DAB1: variants seen among roughly 807,000 people sequenced by gnomAD.
DAB1 encodes the protein DAB adaptor protein 1, also known as disabled homolog 1.
DAB1 carries 15 observed loss-of-function variants against 64.6 expected under a neutral mutation model. The ratio of observed to expected loss-of-function variants is 0.23; its 90% CI spans 0.16 to 0.36. DAB1 has a LOEUF of 0.36. Ranked by LOEUF, DAB1 falls within the 10% of genes least tolerant of loss-of-function variation. DAB1 has a pLI of 1.00. For missense variants in DAB1, 596 were observed against 706.7 expected, an observed-to-expected ratio of 0.84 and a Z score of 1.78; for synonymous variants, 235 against 251.9, an observed-to-expected ratio of 0.93 and a Z score of 0.64.
At chr1:58,474,100 T>C (rs1645394748) in intron 3 of DAB1, 3 of 418,652 alleles carry the variant, frequency 7.2e-6, no homozygotes, top group Middle Eastern at 3.6e-4. Flanking sequence ...CAAGCATTCC[T>C]GTGGAGTGTG....
rs1318317807 is a variant in DAB1 at position 56,995,662 on chromosome 1, A to G, written c.*2482T>C. ...GTCAGAAGCAACCCAAAGAATTGGT[A>G]TAATGGTGTGATACTGCAAGACAAA... is the stretch of plus-strand genomic sequence containing the variant. On this transcript the variant is annotated 3_prime_UTR_variant, in exon 15 of 15. Transcript: ENST00000371236. 6.6e-6 allele frequency: 1 copy of G among 152,254 alleles called. No homozygotes were observed. The allele number at this position is 152,254 out of a possible 1,614,324, so 9.4% of individuals were successfully genotyped here. A position where few individuals can be genotyped will look rare whatever the true frequency, so the allele number is the denominator to read the frequency against.
rs115277348 is a variant in DAB1 at position 58,469,982 on chromosome 1, C to T, written n.257+36078G>A. On this transcript the variant is annotated intron_variant and non_coding_transcript_variant, in intron 3 of 20. Transcript: ENST00000485760. ...AGGCATATAGTAGGCCTTCAATAAA[C>T]GTTTGTAGAAGTGTACAATCATCTC... is the stretch of plus-strand genomic sequence containing the variant. 7.2e-5 allele frequency among the ~76,000 whole-genome samples: 11 copies of T among 151,984 alleles called. No individual in the cohort carries two copies. In the East Asian group the frequency reaches 7.7e-4, roughly 11 times the overall value.
chr1:57,847,413 G>A (rs1653338497), intron 1 of DAB1, among the ~76,000 whole-genome samples: 1 of 151,714 alleles, frequency 6.6e-6, no homozygotes, highest in Non-Finnish European at 1.5e-5. Context: ...TATCAGTTAT[G>A]ACAGTAAATA....
rs531654799 is a variant in DAB1, at chr1:57,302,597, A to AT, written c.-136-11432dup. Among the ~76,000 whole-genome samples, 1,092 of 148,194 alleles carry AT rather than the reference A, an allele frequency of 7.4e-3. 5 individuals carry two copies. The highest frequency in any genetic ancestry group is 0.011 in the Non-Finnish European group (704 of 66,738). ...TTTGAGGTGCAACATGGGCACTGGG[A>AT]TTTTTTTTTTTATTTTATGTTTTAG... On this transcript the variant is annotated intron_variant, in intron 1 of 14. Coordinates refer to ENST00000371236, the MANE Select transcript of DAB1 (RefSeq NM_001365792.1).
At chr1:57,742,546 C>T (rs1648052431) in intron 6 of DAB1, among the ~76,000 whole-genome samples, 2 of 151,856 alleles carry the variant, frequency 1.3e-5, no homozygotes, top group African/African-American at 4.8e-5. Flanking sequence ...AGGAGTGCCC[C>T]AAGCTAGGAA....
chr1:57,554,881 G>A (rs1267428649), intron 7 of DAB1, among the ~76,000 whole-genome samples: 1 of 152,166 alleles, frequency 6.6e-6, no homozygotes, highest in Non-Finnish European at 1.5e-5. Context: ...AGTCACTGAT[G>A]AGGTTATTCA....
At chr1:57,728,290 T>A (rs1279914678) in intron 6 of DAB1, among the ~76,000 whole-genome samples, 1 of 152,026 alleles carries the variant, frequency 6.6e-6, no homozygotes, top group Non-Finnish European at 1.5e-5. Flanking sequence ...GGACATGAAG[T>A]ATAGTTAAAA....
At chr1:57,543,760 C>T (rs1644827709) in intron 7 of DAB1, among the ~76,000 whole-genome samples, 1 of 135,648 alleles carries the variant, frequency 7.4e-6, no homozygotes, top group African/African-American at 2.7e-5. Context: ...AATAGTACTA[C>T]AAAACTACTA....
Position 57,918,108 on chromosome 1 carries a change from T to TAA in DAB1, n.388-33948_388-33947dup, listed in dbSNP as rs1254903214. ...AAATAAATAAATAAATAAATAAATA[T>TAA]AAAAATATGATTTACACTTTAAATG... On this transcript the variant is annotated intron_variant and non_coding_transcript_variant, in intron 5 of 20. Transcript: ENST00000485760. Among the ~76,000 whole-genome samples, 130 of 126,174 alleles carry TAA rather than the reference T, an allele frequency of 1.0e-3. 3 individuals carry two copies. In the East Asian group the frequency reaches 0.022, roughly 21 times the overall value. 82.8% of individuals were successfully genotyped at this position (126,174 alleles called of 152,430 possible).
chr1:57,555,451 T>C (rs1644977483), intron 7 of DAB1, among the ~76,000 whole-genome samples: 2 of 150,344 alleles, frequency 1.3e-5, no homozygotes, highest in South Asian at 4.2e-4. Context: ...ACTGCATTCA[T>C]GGAAACTAAA....
chr1:57,390,446 C>A (rs184993216), intron 1 of DAB1, among the ~76,000 whole-genome samples: 152 of 152,248 alleles, frequency 1.0e-3, no homozygotes, highest in African/African-American at 3.6e-3. Flanking sequence ...TATTCAGACA[C>A]CAAAATAATC....
chr1:58,367,354 T>C (rs1419161779), intron 3 of DAB1, among the ~76,000 whole-genome samples: 2 of 152,204 alleles, frequency 1.3e-5, no homozygotes, highest in African/African-American at 4.8e-5. Flanking sequence ...GCCAACTACT[T>C]AGACAGAACA....
intron 7 of DAB1, among the ~76,000 whole-genome samples, chr1:57,644,894 G>A (rs976726126): frequency 1.3e-5 from 2 of 152,146 alleles, no homozygotes; most frequent in Non-Finnish European, 2.9e-5. Context: ...AATCCCATGA[G>A]AATGAATGAG....
intron 11 of DAB1, among the ~76,000 whole-genome samples, chr1:57,020,540 G>T (rs1016618678): frequency 1.3e-5 from 2 of 152,152 alleles, no homozygotes; most frequent in African/African-American, 2.4e-5. Flanking sequence ...CCATTCTCCT[G>T]CTGTCTGCTA....
chr1:57,730,910 G>C (rs779907093), intron 6 of DAB1, among the ~76,000 whole-genome samples: 46 of 152,204 alleles, frequency 3.0e-4, no homozygotes, highest in Admixed American at 8.5e-4. Flanking sequence ...TATGGAAAAT[G>C]ATATGGCAGT....
intron 1 of DAB1, among the ~76,000 whole-genome samples, chr1:57,309,555 T>C (rs1331278048): frequency 6.6e-6 from 1 of 152,054 alleles, no homozygotes; most frequent in Non-Finnish European, 1.5e-5. Context: ...TTACCAAAAC[T>C]CAATGTTTTC....
At chr1:57,852,931 A>G (rs1653597673) in intron 1 of DAB1, among the ~76,000 whole-genome samples, 2 of 152,142 alleles carry the variant, frequency 1.3e-5, no homozygotes, top group Admixed American at 1.3e-4. Context: ...TTTGTGCTCA[A>G]TAGATATCTG....
At chr1:57,095,798 C>T (rs1314134017) in intron 4 of DAB1, among the ~76,000 whole-genome samples, 1 of 151,994 alleles carries the variant, frequency 6.6e-6, no homozygotes, top group Non-Finnish European at 1.5e-5. Flanking sequence ...TAAAAGAAGG[C>T]CTCAAATGTC....
At chr1:57,937,735 G>A (rs1408733372) in intron 5 of DAB1, among the ~76,000 whole-genome samples, 1 of 152,186 alleles carries the variant, frequency 6.6e-6, no homozygotes, top group Non-Finnish European at 1.5e-5. Flanking sequence ...CCCAAGCTAG[G>A]TCAACAGGCT....
Sources: allele counts gnomAD v4.1 joint callset (sites outside exome capture counted in the v4.1 genomes callset), GRCh38; gene constraint gnomAD v4.1.1; transcripts MANE v1.5; gene names NCBI Gene and HGNC (gene_info 2026-07-23, HGNC 2026-07-21).